Variants in PI4K2B observed in about 807,000 individuals in gnomAD.
PI4K2B encodes phosphatidylinositol 4-kinase type 2 beta, also known as phosphatidylinositol 4-kinase type 2-beta.
A neutral mutation model predicts 56.6 loss-of-function variants in PI4K2B; 46 were observed. The ratio of observed to expected loss-of-function variants is 0.81; its 90% CI spans 0.64 to 1.04. The LOEUF is 1.04. PI4K2B is among the 50% of genes least tolerant of loss of function. The pLI, the probability that PI4K2B is intolerant of heterozygous loss-of-function variation, is 0.00. For missense variants in PI4K2B, 556 were observed against 607.7 expected (o/e 0.91, Z 0.89); for synonymous variants, 211 against 223.8 (o/e 0.94, Z 0.51).
At chr4:25,248,614 A>C (rs1026962751) in intron 1 of PI4K2B, among the ~76,000 whole-genome samples, 1 of 150,112 alleles carries the variant, frequency 6.7e-6, no homozygotes, top group Non-Finnish European at 1.5e-5. Context: ...TTTTTTTTAC[A>C]TTAAATGTTT....
At chr4:25,258,943 A>G (rs1325818740) in intron 4 of PI4K2B, 94 bp from the exon 5 acceptor site, 5 of 589,832 alleles carry the variant, frequency 8.5e-6, no homozygotes, top group Admixed American at 3.4e-5. Context: ...TTGTGTTTAC[A>G]TGACATATTT....
intron 3 of PI4K2B, among the ~76,000 whole-genome samples, chr4:25,255,709 T>G (rs1461500595): frequency 6.6e-6 from 1 of 152,222 alleles, no homozygotes; most frequent in African/African-American, 2.4e-5. Context: ...GCAGTCCTCC[T>G]GCCTCAGCCT....
Position 25,234,255 on chromosome 4 carries a change from C to A in PI4K2B, c.92C>A (p.Pro31Gln). The part of the protein sequence containing the change: ...EEDGEREPLL[P>Q]RIAWAHPRRG... ...GATGGGGAGCGGGAGCCGCTGCTACCGCGGATCGCCTGGGCCCACCCGCGG... is the reference window on the plus strand; with the variant it reads ...GATGGGGAGCGGGAGCCGCTGCTACAGCGGATCGCCTGGGCCCACCCGCGG... Residue 31 changes from proline (P) to glutamine (Q), a missense_variant, in exon 1 of 10, where the codon CCG becomes CAG. Transcript: ENST00000264864. 2 of 1,426,132 alleles carry A rather than the reference C, an allele frequency of 1.4e-6. No individual in the cohort carries two copies. The highest frequency in any genetic ancestry group is 3.0e-5 in the East Asian group (1 of 32,830). 88.3% of individuals were successfully genotyped at this position (1,426,132 alleles called of 1,614,324 possible). A position where few individuals can be genotyped will look rare whatever the true frequency, so the allele number is the denominator to read the frequency against.
chr4:25,255,344 A>C (rs942595046), intron 3 of PI4K2B, 79 bp downstream of exon 3: 19 of 1,272,966 alleles, frequency 1.5e-5, no homozygotes, highest in Non-Finnish European at 2.1e-5. Context: ...AATTATTCCT[A>C]ATGATAGAAC....
chr4:25,248,928 G>A (rs1211402556), intron 1 of PI4K2B, among the ~76,000 whole-genome samples: 1 of 152,066 alleles, frequency 6.6e-6, no homozygotes, highest in Non-Finnish European at 1.5e-5. Context: ...GTGAACAAAG[G>A]TCTCTGGTTT....
At chr4:25,275,778 T>C (rs760831864) in intron 9 of PI4K2B, among the ~76,000 whole-genome samples, 25 of 152,232 alleles carry the variant, frequency 1.6e-4, no homozygotes, top group Non-Finnish European at 2.9e-4. Flanking sequence ...TTTCCTGATG[T>C]GTTAAATGCT....
intron 7 of PI4K2B, among the ~76,000 whole-genome samples, 168 bp from the exon 8 acceptor site, chr4:25,268,275 G>A (rs901466965): frequency 1.3e-5 from 2 of 152,140 alleles, no homozygotes; most frequent in Non-Finnish European, 2.9e-5. Context: ...TGAATTGACT[G>A]TCCAAATCTG....
intron 9 of PI4K2B, among the ~76,000 whole-genome samples, chr4:25,273,496 G>T (rs567593947): frequency 1.3e-5 from 2 of 152,160 alleles, no homozygotes; most frequent in South Asian, 4.1e-4. Context: ...ACACTTTAAT[G>T]ATGCTTATTA....
intron 9 of PI4K2B, 68 bp downstream of exon 9, chr4:25,269,271 C>A (rs1013022213): frequency 5.9e-6 from 5 of 844,540 alleles, no homozygotes; most frequent in Non-Finnish European, 8.1e-6. Context: ...CTGTTTTCCC[C>A]ACTGTGATCT....
intron 1 of PI4K2B, among the ~76,000 whole-genome samples, chr4:25,249,290 A>T (rs1446192522): frequency 1.3e-5 from 2 of 152,136 alleles, no homozygotes; most frequent in African/African-American, 4.8e-5. Flanking sequence ...CAAAACCGCC[A>T]TCGTCATCAT....
At position 25,234,124 on chromosome 4, in the gene PI4K2B, C is replaced by T. The variant is rs539668108; in HGVS notation, c.-40C>T. The T allele has an allele frequency of 2.1e-4, 266 of 1,287,178 alleles. No homozygotes were observed. In the African/African-American group the frequency reaches 2.6e-3, roughly 13 times the overall value. The allele number at this position is 1,287,178 out of a possible 1,614,324, so 79.7% of individuals were successfully genotyped here. A position where few individuals can be genotyped will look rare whatever the true frequency, so the allele number is the denominator to read the frequency against. The stretch of plus-strand genomic sequence containing the variant: ...GAGCCCAGTCTCTGGCACCTGGCTG[C>T]TCTGATCTGGTCTCAGCGCGGAGGG... On this transcript the variant is annotated 5_prime_UTR_variant, in exon 1 of 10. Transcript: ENST00000264864.
chr4:25,234,620 C>T (rs1348662481), intron 1 of PI4K2B, among the ~76,000 whole-genome samples, 189 bp downstream of exon 1: 1 of 152,244 alleles, frequency 6.6e-6, no homozygotes, highest in Non-Finnish European at 1.5e-5. Flanking sequence ...CTCGCTCTTT[C>T]TCCGGGAGCT....
chr4:25,246,011 C>T (rs912907755), intron 1 of PI4K2B, among the ~76,000 whole-genome samples: 11 of 152,010 alleles, frequency 7.2e-5, no homozygotes, highest in Non-Finnish European at 1.3e-4. Flanking sequence ...GCAGTGTGTC[C>T]GGAGTTTGTT....
intron 5 of PI4K2B, among the ~76,000 whole-genome samples, chr4:25,259,629 T>C (rs1338542385): frequency 6.6e-6 from 1 of 152,052 alleles, no homozygotes; most frequent in East Asian, 1.9e-4. Context: ...TTGGCTTCCC[T>C]GGGCCACACT....
intron 4 of PI4K2B, chr4:25,258,340 T>C (rs1716334097): frequency 6.6e-6 from 1 of 151,568 alleles, no homozygotes; most frequent in South Asian, 2.1e-4. Context: ...TCTGAGTAGC[T>C]GGGACTACAG....
intron 1 of PI4K2B, among the ~76,000 whole-genome samples, chr4:25,243,466 A>G (rs531353974): frequency 1.4e-4 from 22 of 152,338 alleles, no homozygotes; most frequent in Non-Finnish European, 2.6e-4. Context: ...TCTGAGGGCC[A>G]TGACTAAGGC....
chr4:25,239,781 A>G (rs903469498), intron 1 of PI4K2B, among the ~76,000 whole-genome samples: 4 of 152,236 alleles, frequency 2.6e-5, no homozygotes, highest in African/African-American at 9.6e-5. Context: ...GGCTACCAGC[A>G]CACTGTCACC....
intron 1 of PI4K2B, among the ~76,000 whole-genome samples, chr4:25,239,319 T>A (rs1260514712): frequency 6.6e-6 from 1 of 152,112 alleles, no homozygotes; most frequent in African/African-American, 2.4e-5. Context: ...AGGCTCGGGC[T>A]GTGCAGGATC....
intron 9 of PI4K2B, among the ~76,000 whole-genome samples, chr4:25,271,527 A>G (rs562564560): frequency 3.3e-5 from 5 of 152,292 alleles, no homozygotes; most frequent in African/African-American, 1.2e-4. Context: ...AGCCTCACTA[A>G]GAGGCTTTTT....
Sources: gnomAD v4.1 joint callset for allele counts (sites outside exome capture counted in the v4.1 genomes callset) on GRCh38, gnomAD v4.1.1 for gene constraint, MANE v1.5 for transcripts, NCBI Gene and HGNC (gene_info 2026-07-23, HGNC 2026-07-21) for gene names.